Variants in PSME4 observed in about 807,000 individuals in gnomAD.
The protein encoded by PSME4 is proteasome activator complex subunit 4.
Under a neutral mutation model 253.9 loss-of-function variants are expected in PSME4, and 89 were observed. The observed-to-expected ratio is 0.35, with a 90% CI of 0.30 to 0.42. The LOEUF (loss-of-function observed/expected upper bound fraction) is 0.42. Ranked by LOEUF, PSME4 falls within the 10% of genes least tolerant of loss-of-function variation. The pLI, the probability that PSME4 is intolerant of heterozygous loss-of-function variation, is 1.00. For missense variants in PSME4, 2,014 were observed against 2,195.2 expected (o/e 0.92, Z 1.65); for synonymous variants, 851 against 759.2 (o/e 1.12, Z -1.99).
chr2:53,962,890 G>T (rs149968715), intron 1 of PSME4, among the ~76,000 whole-genome samples: 1 of 152,034 alleles, frequency 6.6e-6, no homozygotes, highest in Non-Finnish European at 1.5e-5. Context: ...TGCACCTGTA[G>T]TCCCAGCTAC....
chr2:53,895,104 T>C (rs762146350), intron 33 of PSME4, 28 bp from the exon 34 acceptor site: 8 of 1,569,310 alleles, frequency 5.1e-6, no homozygotes, highest in Non-Finnish European at 6.9e-6. Context: ...ATATTTATCA[T>C]ACGCATAGAA....
At chr2:53,946,032 T>C (rs1312135487) in intron 3 of PSME4, among the ~76,000 whole-genome samples, 1 of 152,208 alleles carries the variant, frequency 6.6e-6, no homozygotes, top group Non-Finnish European at 1.5e-5. Flanking sequence ...ACAAGGATGA[T>C]GTGACACTTT....
chr2:53,884,274 G>A (rs781020152), intron 41 of PSME4, among the ~76,000 whole-genome samples: 7 of 150,816 alleles, frequency 4.6e-5, no homozygotes, highest in African/African-American at 1.2e-4. Flanking sequence ...GCAGTAGCAC[G>A]ATCTCAGCTC....
At chr2:53,961,680 T>C (rs1670501588) in intron 1 of PSME4, among the ~76,000 whole-genome samples, 1 of 151,614 alleles carries the variant, frequency 6.6e-6, no homozygotes, top group African/African-American at 2.4e-5. Context: ...TGTCTAAAAA[T>C]AAGGGGGGGA....
chr2:53,966,233 G>A (rs1331933920), intron 1 of PSME4, among the ~76,000 whole-genome samples: 3 of 152,062 alleles, frequency 2.0e-5, no homozygotes, highest in Non-Finnish European at 4.4e-5. Flanking sequence ...GCAGTGAGCC[G>A]ACATTGTGCC....
intron 30 of PSME4, 141 bp downstream of exon 30, chr2:53,898,160 C>G (rs1166540202): frequency 1.7e-6 from 2 of 1,174,164 alleles, no homozygotes; most frequent in Non-Finnish European, 2.4e-6. Context: ...CCCTCCATCT[C>G]TTTTCCTCTT....
intron 1 of PSME4, among the ~76,000 whole-genome samples, chr2:53,962,702 A>T (rs1205751732): frequency 6.6e-6 from 1 of 152,158 alleles, no homozygotes; most frequent in Non-Finnish European, 1.5e-5. Flanking sequence ...GTCCTAAATG[A>T]ACAAAAATGT....
At chr2:53,906,086 A>G (rs1680645984) in intron 26 of PSME4, among the ~76,000 whole-genome samples, 1 of 152,188 alleles carries the variant, frequency 6.6e-6, no homozygotes, top group Non-Finnish European at 1.5e-5. Context: ...AATTAGTTGC[A>G]CATGAATCTC....
At chr2:53,913,410 T>A (rs1667917873) in intron 20 of PSME4, among the ~76,000 whole-genome samples, 1 of 152,100 alleles carries the variant, frequency 6.6e-6, no homozygotes, top group Non-Finnish European at 1.5e-5. Flanking sequence ...ACAAAATATA[T>A]AATACAAATC....
At chr2:53,955,331 G>A (rs1460787926) in intron 1 of PSME4, among the ~76,000 whole-genome samples, 2 of 152,160 alleles carry the variant, frequency 1.3e-5, no homozygotes, top group Non-Finnish European at 2.9e-5. Context: ...TGTTTTGAAT[G>A]TGGCCCAACA....
intron 41 of PSME4, among the ~76,000 whole-genome samples, chr2:53,884,149 A>G (rs988405503): frequency 6.6e-6 from 1 of 152,166 alleles, no homozygotes; most frequent in Non-Finnish European, 1.5e-5. Context: ...TATATCGTCA[A>G]TATTAGTATA....
chr2:53,956,474 G>C (rs975063556), intron 1 of PSME4, among the ~76,000 whole-genome samples: 1 of 151,852 alleles, frequency 6.6e-6, no homozygotes, highest in Admixed American at 6.6e-5. Context: ...AGGTTGTAGT[G>C]AGCCGAGATC....
chr2:53,910,099 T>G lies in PSME4; in HGVS notation c.2548A>C (p.Lys850Gln), dbSNP rs764115343. The G allele has an allele frequency of 6.2e-7, 1 of 1,608,586 alleles. No individual in the cohort carries two copies. Among genetic ancestry groups the G allele is most frequent in the African/African-American group, 1.3e-5 (1 of 74,836 alleles). The change falls in exon 21 of 47, where the codon AAG (lysine) becomes CAG (glutamine). Residue 850 changes from lysine to glutamine, a missense_variant. By Grantham distance (53) the Lys-to-Gln change is moderately conservative. Transcript: ENST00000404125. Reference protein sequence around the residue: ...VPSMVSLEETKLYTGLEYDLS... With the variant: ...VPSMVSLEETQLYTGLEYDLS... ...CCATATTCAAGTCCAGTATACAACTTTGTCTCTTCCAAGGACACCATACTT... is the reference window on the plus strand; with the variant it reads ...CCATATTCAAGTCCAGTATACAACTGTGTCTCTTCCAAGGACACCATACTT...
chr2:53,949,399 G>A lies in PSME4; in HGVS notation c.243-116C>T, dbSNP rs1214943698. 11 of 533,510 alleles carry A rather than the reference G, an allele frequency of 2.1e-5. No homozygotes were observed. In the South Asian group the frequency reaches 4.6e-4, roughly 22 times the overall value. The allele number at this position is 533,510 out of a possible 1,614,324, so 33.0% of individuals were successfully genotyped here. ...GATGCAACCTGAATGGCCACAGAAGGATGAATGGATAAGGAAAATGTGGCA... is the reference window on the plus strand; with the variant it reads ...GATGCAACCTGAATGGCCACAGAAGAATGAATGGATAAGGAAAATGTGGCA... On this transcript the variant is annotated intron_variant, in intron 1 of 46. Coordinates refer to ENST00000404125, the MANE Select transcript of PSME4 (RefSeq NM_014614.3).
chr2:53,875,671 G>A lies in PSME4; in HGVS notation c.4900C>T (p.Leu1634Phe). Reference protein sequence around the residue: ...LCLSLMSQGLLYPHQVPLVLQ... With the variant: ...LCLSLMSQGLFYPHQVPLVLQ... The stretch of plus-strand genomic sequence containing the variant: ...ACCAAAGGCACTTGATGAGGGTAAA[G>A]CAACCCCTGAGACATTAATGATAAA... Residue 1634 changes from leucine (L) to phenylalanine (F), a missense_variant, in exon 42 of 47, where the codon CTT becomes TTT. Leu to Phe is a conservative substitution (Grantham distance 22, BLOSUM62 0). Transcript: ENST00000404125. 1 of 1,612,934 alleles carries A rather than the reference G, an allele frequency of 6.2e-7. No homozygotes were observed. The highest frequency in any genetic ancestry group is 8.5e-7 in the Non-Finnish European group (1 of 1,179,218).
chr2:53,865,507 C>G lies in PSME4; in HGVS notation c.*71G>C, dbSNP rs577348843. 1 of 152,250 alleles carries G rather than the reference C, an allele frequency of 6.6e-6. No homozygotes were observed. Among genetic ancestry groups the G allele is most frequent in the African/African-American group, 2.4e-5 (1 of 41,530 alleles). 9.4% of individuals were successfully genotyped at this position (152,250 alleles called of 1,614,324 possible). ...AGGCAGTTTTAAAACTTGCAGAGAG[C>G]CACCACAGATGGTACCTGAGGGTGT... On this transcript the variant is annotated 3_prime_UTR_variant, in exon 47 of 47. Transcript: ENST00000404125.
intron 1 of PSME4, among the ~76,000 whole-genome samples, chr2:53,949,556 C>G (rs1669880398): frequency 6.6e-6 from 1 of 151,384 alleles, no homozygotes. Flanking sequence ...TCAGCTAGAA[C>G]CAGTGATGAG....
intron 20 of PSME4, among the ~76,000 whole-genome samples, chr2:53,917,438 T>C (rs1668111111): frequency 6.6e-6 from 1 of 152,168 alleles, no homozygotes; most frequent in Non-Finnish European, 1.5e-5. Context: ...TGCACATTTA[T>C]TTCAAAGGAT....
chr2:53,941,604 G>A (rs543825946), intron 3 of PSME4, among the ~76,000 whole-genome samples: 1 of 151,926 alleles, frequency 6.6e-6, no homozygotes, highest in Non-Finnish European at 1.5e-5. Flanking sequence ...TTTTATATCA[G>A]AGTAACAAAA....
Sources: allele counts gnomAD v4.1 joint callset (sites outside exome capture counted in the v4.1 genomes callset), GRCh38; gene constraint gnomAD v4.1.1; transcripts MANE v1.5; gene names NCBI Gene and HGNC (gene_info 2026-07-23, HGNC 2026-07-21).